The following PDE4D variants were observed in gnomAD, a reference collection of about 807,000 sequenced individuals.
The protein encoded by PDE4D is 3',5'-cyclic-AMP phosphodiesterase 4D.
PDE4D carries 24 observed loss-of-function variants against 87.4 expected under a neutral mutation model. The observed-to-expected ratio is 0.27, with a 90% CI of 0.20 to 0.39. The LOEUF (loss-of-function observed/expected upper bound fraction) is 0.39. PDE4D is among the 10% of genes least tolerant of loss of function. The pLI, the probability that PDE4D is intolerant of heterozygous loss-of-function variation, is 1.00. For missense variants in PDE4D, 714 were observed against 1,041.0 expected (o/e 0.69, Z 4.32); for synonymous variants, 384 against 383.2 (o/e 1.00, Z -0.02).
At chr5:59,028,079 AAC>A in intron 6 of PDE4D, among the ~76,000 whole-genome samples, 2 of 152,264 alleles carry the variant, frequency 1.3e-5, no homozygotes, top group African/African-American at 4.8e-5. Context: ...ATTTATGAAA[AAC>A]ACTGGCTAGA....
At position 59,663,478 on chromosome 5, in the gene PDE4D, A is replaced by G. The variant is rs146074247; in HGVS notation, c.455+229690T>C. 3.2e-3 allele frequency among the ~76,000 whole-genome samples: 489 copies of G among 152,194 alleles called. 3 individuals are homozygous for G. Among genetic ancestry groups the G allele is most frequent in the African/African-American group, 0.011 (451 of 41,546 alleles). ...GAGCCATCGTGCCCAGCCTCTGTTGATATTTTTCAAATAGAAAATCAATTT... is the reference window on the plus strand; with the variant it reads ...GAGCCATCGTGCCCAGCCTCTGTTGGTATTTTTCAAATAGAAAATCAATTT... On this transcript the variant is annotated intron_variant, in intron 1 of 14. Transcript: ENST00000340635.
At chr5:59,112,673 A>G (rs1451021692) in intron 5 of PDE4D, among the ~76,000 whole-genome samples, 1 of 152,128 alleles carries the variant, frequency 6.6e-6, no homozygotes, top group African/African-American at 2.4e-5. Flanking sequence ...AACTGAGATG[A>G]AGAATTTATG....
At chr5:59,712,917 G>A (rs1754423283) in intron 1 of PDE4D, among the ~76,000 whole-genome samples, 1 of 152,068 alleles carries the variant, frequency 6.6e-6, no homozygotes, top group African/African-American at 2.4e-5. Context: ...ATTTTTGAGT[G>A]AATAGTCCAG....
At chr5:60,027,121 C>T (rs968695771) in intron 2 of PDE4D, among the ~76,000 whole-genome samples, 1 of 152,012 alleles carries the variant, frequency 6.6e-6, no homozygotes, top group African/African-American at 2.4e-5. Flanking sequence ...AGGTTTGTTA[C>T]ATGGATATGT....
intron 1 of PDE4D, among the ~76,000 whole-genome samples, chr5:59,676,914 C>T (rs985541489): frequency 2.6e-5 from 4 of 152,018 alleles, no homozygotes; most frequent in Admixed American, 6.6e-5. Context: ...ACAAATATTT[C>T]TCTATCCTCC....
intron 2 of PDE4D, among the ~76,000 whole-genome samples, chr5:60,009,748 C>G (rs924602265): frequency 6.6e-6 from 1 of 152,046 alleles, no homozygotes; most frequent in Non-Finnish European, 1.5e-5. Flanking sequence ...CATCTGTCTT[C>G]GCTGTGGTTG....
chr5:59,668,977 A>T (rs1395684762), intron 1 of PDE4D, among the ~76,000 whole-genome samples: 1 of 152,262 alleles, frequency 6.6e-6, no homozygotes, highest in Non-Finnish European at 1.5e-5. Context: ...AGGGTCACAG[A>T]TTCTTTTGGA....
chr5:60,417,169 G>A (rs186123745), intron 1 of PDE4D, among the ~76,000 whole-genome samples: 2 of 152,320 alleles, frequency 1.3e-5, no homozygotes, highest in Admixed American at 1.3e-4. Flanking sequence ...CATAAAGCAA[G>A]TGTGCCCAGA....
At chr5:59,839,423 G>GT (rs1482009323) in intron 1 of PDE4D, among the ~76,000 whole-genome samples, 1 of 151,662 alleles carries the variant, frequency 6.6e-6, no homozygotes, top group Non-Finnish European at 1.5e-5. Context: ...TTTGTTTTTT[G>GT]TTTTTTGTTT....
intron 1 of PDE4D, among the ~76,000 whole-genome samples, chr5:59,350,365 G>T (rs901212002): frequency 6.6e-6 from 1 of 152,144 alleles, no homozygotes; most frequent in Non-Finnish European, 1.5e-5. Flanking sequence ...CAGAGCCAGG[G>T]TTCTAGCTCT....
intron 1 of PDE4D, among the ~76,000 whole-genome samples, chr5:60,404,263 AATGAAACT>A (rs971285170): frequency 2.7e-5 from 4 of 147,930 alleles, no homozygotes; most frequent in African/African-American, 7.4e-5. Flanking sequence ...GGTGGTATTT[AATGAAACT>A]ATGTTGACTG....
chr5:60,426,326 T>C (rs1254467305), intron 1 of PDE4D, among the ~76,000 whole-genome samples: 5 of 152,222 alleles, frequency 3.3e-5, no homozygotes, highest in African/African-American at 1.2e-4. Flanking sequence ...GTGGCACATA[T>C]ATACCATGGA....
chr5:59,107,886 A>C (rs1164441258), intron 5 of PDE4D, among the ~76,000 whole-genome samples: 2 of 152,258 alleles, frequency 1.3e-5, no homozygotes, highest in Non-Finnish European at 2.9e-5. Context: ...AATTCTGACT[A>C]CCTTGCTGGA....
chr5:59,918,090 T>C (rs1754270673), intron 3 of PDE4D, among the ~76,000 whole-genome samples: 1 of 152,024 alleles, frequency 6.6e-6, no homozygotes, highest in East Asian at 1.9e-4. Flanking sequence ...AGAAAAATAG[T>C]ATTATATTTA....
intron 1 of PDE4D, among the ~76,000 whole-genome samples, chr5:60,299,119 GT>G (rs973044082): frequency 3.3e-5 from 5 of 151,826 alleles, no homozygotes; most frequent in Admixed American, 2.0e-4. Flanking sequence ...GTAAAATTAG[GT>G]TTTTTTTCAA....
chr5:60,007,735 T>A (rs935857236), intron 2 of PDE4D, among the ~76,000 whole-genome samples: 1 of 152,070 alleles, frequency 6.6e-6, no homozygotes, highest in Non-Finnish European at 1.5e-5. Context: ...TGTTAATTAC[T>A]TTTTCCTACA....
chr5:59,806,363 A>C (rs1163420782), intron 1 of PDE4D, among the ~76,000 whole-genome samples: 1 of 152,220 alleles, frequency 6.6e-6, no homozygotes, highest in Non-Finnish European at 1.5e-5. Context: ...ACATACCCTG[A>C]GCCTTTTTCT....
chr5:59,674,466 T>TCTCTAATATCTAGAGTCTAATAGA (rs1401737528), intron 1 of PDE4D, among the ~76,000 whole-genome samples: 4 of 152,224 alleles, frequency 2.6e-5, no homozygotes, highest in Non-Finnish European at 5.9e-5. Context: ...ATTATGTCTG[T>TCTCTAATATCTAGAGTCTAATAGA]CTCTAAAATC....
chr5:60,387,192 G>A, intron 1 of PDE4D, among the ~76,000 whole-genome samples: 1 of 152,188 alleles, frequency 6.6e-6, no homozygotes, highest in East Asian at 1.9e-4. Context: ...AAGGAAACTT[G>A]GAACGTCCTG....
Sources: allele counts gnomAD v4.1 joint callset (sites outside exome capture counted in the v4.1 genomes callset), GRCh38; gene constraint gnomAD v4.1.1; transcripts MANE v1.5; gene names NCBI Gene and HGNC (gene_info 2026-07-23, HGNC 2026-07-21).